Variants in OPCML observed in about 807,000 individuals in gnomAD.
OPCML encodes opioid binding protein/cell adhesion molecule like.
In OPCML, 13 loss-of-function variants were observed where a neutral mutation model predicts 37.8. The ratio of observed to expected loss-of-function variants is 0.34; its 90% CI spans 0.22 to 0.55. OPCML has a LOEUF of 0.55. Ranked by LOEUF, OPCML falls within the 20% of genes least tolerant of loss-of-function variation. OPCML has a pLI of 0.91. For synonymous variants in OPCML, 176 were observed against 168.8 expected (o/e 1.04, Z -0.33); for missense variants, 341 against 435.6 (o/e 0.78, Z 1.93).
chr11:133,456,762 T>G (rs1315696378), intron 1 of OPCML, among the ~76,000 whole-genome samples: 1 of 147,726 alleles, frequency 6.8e-6, no homozygotes, highest in Non-Finnish European at 1.5e-5. Context: ...TTCTGCAGCG[T>G]GGCTGTCCCA....
rs115221664 is a variant in OPCML at position 133,523,946 on chromosome 11, A to G, written c.61+8318T>C. Reference sequence around the variant, plus strand: ...TCTCCTGACAGACAATCACAGCACCACACACCTCCCCTTCCATAGTTTCAT... The same window carrying G: ...TCTCCTGACAGACAATCACAGCACCGCACACCTCCCCTTCCATAGTTTCAT... On this transcript the variant is annotated intron_variant, in intron 1 of 7. Coordinates refer to ENST00000524381, the MANE Select transcript of OPCML (RefSeq NM_001012393.5). Among the ~76,000 whole-genome samples, 943 of 152,250 alleles carry G rather than the reference A, an allele frequency of 6.2e-3. 9 individuals are homozygous for G. Among genetic ancestry groups the G allele is most frequent in the African/African-American group, 0.022 (901 of 41,550 alleles).
At chr11:133,360,251 C>T (rs1315934122) in intron 1 of OPCML, 1 of 152,190 alleles carries the variant, frequency 6.6e-6, no homozygotes, top group African/African-American at 2.4e-5. Flanking sequence ...TATCTATGGC[C>T]AACTCCATAA....
At chr11:132,796,693 C>T (rs1938341396) in intron 2 of OPCML, among the ~76,000 whole-genome samples, 1 of 151,314 alleles carries the variant, frequency 6.6e-6, no homozygotes, top group Non-Finnish European at 1.5e-5. Context: ...CCTGCCTCGG[C>T]CTCCCTCCTG....
At chr11:133,184,071 G>A (rs1221576982) in intron 1 of OPCML, among the ~76,000 whole-genome samples, 1 of 152,178 alleles carries the variant, frequency 6.6e-6, no homozygotes, top group Non-Finnish European at 1.5e-5. Flanking sequence ...AGGAAGTAGG[G>A]ACTCAGAGGC....
At chr11:133,003,373 A>G (rs1480071382) in intron 1 of OPCML, among the ~76,000 whole-genome samples, 2 of 152,022 alleles carry the variant, frequency 1.3e-5, no homozygotes, top group Non-Finnish European at 2.9e-5. Flanking sequence ...TTGTGGCCAC[A>G]TCTCTCCAAC....
chr11:132,837,801 G>C (rs528009125), intron 2 of OPCML, among the ~76,000 whole-genome samples: 2 of 152,270 alleles, frequency 1.3e-5, no homozygotes, highest in Non-Finnish European at 2.9e-5. Flanking sequence ...GCGGGCATCT[G>C]AGTGGAGGAC....
At chr11:133,165,728 C>G (rs920273504) in intron 1 of OPCML, among the ~76,000 whole-genome samples, 2 of 152,100 alleles carry the variant, frequency 1.3e-5, no homozygotes, top group South Asian at 4.1e-4. Flanking sequence ...CCAAGCTGTG[C>G]GCTGGCAGGC....
At chr11:133,094,230 T>C (rs188168059) in intron 1 of OPCML, among the ~76,000 whole-genome samples, 5 of 152,342 alleles carry the variant, frequency 3.3e-5, no homozygotes, top group East Asian at 1.9e-4. Flanking sequence ...AAAAATGGTA[T>C]ATGTTTGAGC....
rs145261262 is a variant in OPCML, at chr11:132,689,230, G to T, written c.147-31911C>A. ...CTAAATTGTGAAGGGCAATTAGATTGTTACATTGGGATTTTCACTGGATTA... is the reference window on the plus strand; with the variant it reads ...CTAAATTGTGAAGGGCAATTAGATTTTTACATTGGGATTTTCACTGGATTA... On this transcript the variant is annotated intron_variant, in intron 2 of 7. Transcript: ENST00000524381. Among the ~76,000 whole-genome samples the T allele has an allele frequency of 2.7e-3, 405 of 152,290 alleles. 5 individuals carry two copies. The highest frequency in any genetic ancestry group is 0.023 in the Admixed American group (358 of 15,304).
intron 2 of OPCML, among the ~76,000 whole-genome samples, chr11:132,704,113 T>C (rs746795129): frequency 6.6e-6 from 1 of 152,060 alleles, no homozygotes; most frequent in Non-Finnish European, 1.5e-5. Context: ...ACTAGTGTAG[T>C]CCTGGAGAAA....
At chr11:133,204,033 G>C (rs1317596878) in intron 1 of OPCML, among the ~76,000 whole-genome samples, 3 of 125,588 alleles carry the variant, frequency 2.4e-5, no homozygotes, top group Non-Finnish European at 4.8e-5. Flanking sequence ...ATTCCAGCCT[G>C]GGGGGACAGA....
intron 1 of OPCML, among the ~76,000 whole-genome samples, chr11:132,994,674 G>A (rs558757279): frequency 2.1e-4 from 32 of 152,254 alleles, no homozygotes; most frequent in African/African-American, 7.7e-4. Flanking sequence ...TTTCAGTTCA[G>A]TTTAAATTAA....
intron 1 of OPCML, among the ~76,000 whole-genome samples, chr11:133,226,959 T>A (rs1188082430): frequency 6.6e-6 from 1 of 152,238 alleles, no homozygotes; most frequent in Non-Finnish European, 1.5e-5. Context: ...GGATTGATAG[T>A]GATTCCAAAA....
chr11:132,631,369 ATATAT>A (rs1431631373), intron 3 of OPCML, among the ~76,000 whole-genome samples: 1 of 134,112 alleles, frequency 7.5e-6, no homozygotes, highest in Non-Finnish European at 1.7e-5. Flanking sequence ...ATATATATAT[ATATAT>A]ATCTCCTAGG....
At chr11:133,334,650 G>C (rs929018411) in intron 1 of OPCML, among the ~76,000 whole-genome samples, 8 of 152,072 alleles carry the variant, frequency 5.3e-5, no homozygotes, top group African/African-American at 1.9e-4. Flanking sequence ...TAAAATGAAA[G>C]TTTTTTTAAA....
chr11:132,629,388 G>A (rs1042671196), intron 3 of OPCML, among the ~76,000 whole-genome samples: 1 of 152,172 alleles, frequency 6.6e-6, no homozygotes, highest in Non-Finnish European at 1.5e-5. Flanking sequence ...AGAATTATAT[G>A]CAACAAAATT....
chr11:133,177,873 G>A lies in OPCML; in HGVS notation c.62-234863C>T, dbSNP rs1476245809. Among the ~76,000 whole-genome samples, 2 of 152,212 alleles carry A rather than the reference G, an allele frequency of 1.3e-5. No homozygotes were observed. The highest frequency in any genetic ancestry group is 2.9e-5 in the Non-Finnish European group (2 of 68,044). ...TCATTTACTTCATGAGGAAGAAAGAGAGGAAAGGAGGCTGACCCAGTGGGC... is the reference window on the plus strand; with the variant it reads ...TCATTTACTTCATGAGGAAGAAAGAAAGGAAAGGAGGCTGACCCAGTGGGC... On this transcript the variant is annotated intron_variant, in intron 1 of 7. Coordinates refer to ENST00000524381, the MANE Select transcript of OPCML (RefSeq NM_001012393.5). The surrounding 1 kb of genome is among the most constrained non-coding windows in gnomAD (Gnocchi z 5.0).
chr11:133,330,181 A>C (rs1943583460), intron 1 of OPCML, among the ~76,000 whole-genome samples: 1 of 152,210 alleles, frequency 6.6e-6, no homozygotes, highest in African/African-American at 2.4e-5. Context: ...AAAAGTCAGG[A>C]AACAACAGGT....
chr11:133,141,033 C>CGAAGACGAA (rs1399038604), intron 1 of OPCML, among the ~76,000 whole-genome samples: 1 of 5,368 alleles, frequency 1.9e-4, no homozygotes, highest in African/African-American at 3.2e-4. Context: ...ACGACGACGA[C>CGAAGACGAA]GACGACGACG....
Sources: gnomAD v4.1 joint callset for allele counts (sites outside exome capture counted in the v4.1 genomes callset) on GRCh38, gnomAD v4.1.1 for gene constraint, Gnocchi (gnomAD v3.1) non-coding constraint, MANE v1.5 for transcripts, NCBI Gene and HGNC (gene_info 2026-07-23, HGNC 2026-07-21) for gene names.